Variants in PRDM7 observed in about 807,000 individuals in gnomAD.
PRDM7 encodes the protein histone-lysine N-methyltransferase PRDM7.
In PRDM7, 52 loss-of-function variants were observed where a neutral mutation model predicts 64.3. The observed-to-expected ratio is 0.81, with a 90% CI of 0.65 to 1.02. The LOEUF is 1.02. Among genes scored for constraint, PRDM7 ranks in the 50% least tolerant of loss-of-function variants. The pLI is 0.00. For synonymous variants in PRDM7, 192 were observed against 210.1 expected, an observed-to-expected ratio of 0.91 and a Z score of 0.74; for missense variants, 574 against 597.1, an observed-to-expected ratio of 0.96 and a Z score of 0.40.
Position 90,066,893 on chromosome 16 carries a change from C to A in PRDM7, c.319G>T (p.Ala107Ser). Reference sequence around the variant, plus strand: ...TGTTTACTCTGTTCTCCTCTGAAGGCCATCCAAGGAGGTTTGACTAAGAGG... The same window carrying A: ...TGTTTACTCTGTTCTCCTCTGAAGGACATCCAAGGAGGTTTGACTAAGAGG... ...PRQQVKPPWM[A>S]FRGEQSKHQK... Residue 107 changes from alanine to serine, a missense_variant, in exon 5 of 11, where the codon GCC becomes TCC. Transcript: ENST00000449207. 6.3e-7 allele frequency: 1 copy of A among 1,599,532 alleles called. No individual in the cohort carries two copies. The highest frequency in any genetic ancestry group is 8.6e-7 in the Non-Finnish European group (1 of 1,169,236).
Position 90,062,545 on chromosome 16 carries a change from G to T in PRDM7, c.509-43C>A, listed in dbSNP as rs749081099. The T allele has an allele frequency of 2.0e-6, 3 of 1,495,146 alleles. No homozygotes were observed. In the East Asian group the frequency reaches 6.8e-5, roughly 34 times the overall value. The allele number at this position is 1,495,146 out of a possible 1,614,324, so 92.6% of individuals were successfully genotyped here. A position where few individuals can be genotyped will look rare whatever the true frequency, so the allele number is the denominator to read the frequency against. On this transcript the variant is annotated intron_variant, in intron 6 of 10. Coordinates refer to ENST00000449207, the MANE Select transcript of PRDM7 (RefSeq NM_001098173.2). The stretch of plus-strand genomic sequence containing the variant: ...AGATGGGTAAAATTGGGAGTCTGGG[G>T]TGTTTGTCCTTGTTTCATAAGAAAA...
rs1034543498 is a variant in PRDM7 at position 90,075,532 on chromosome 16, T to C, written c.70-58A>G. The C allele has an allele frequency of 6.2e-7, 1 of 1,613,670 alleles. No homozygotes were observed. Among genetic ancestry groups the C allele is most frequent in the African/African-American group, 1.3e-5 (1 of 74,928 alleles). ...ACTAATACACATCGAGCTGGTCCTT[T>C]TCCTCTACCCTGCGTGTAGGGCATA... On this transcript the variant is annotated intron_variant, in intron 2 of 10. Transcript: ENST00000449207. This position sits in a 1 kb window ranked among gnomAD's most constrained non-coding sequence, Gnocchi z 4.3.
intron 1 of PRDM7, among the ~76,000 whole-genome samples, chr16:90,076,232 C>T (rs937462884): frequency 5.9e-5 from 9 of 152,074 alleles, no homozygotes; most frequent in Non-Finnish European, 1.3e-4. Flanking sequence ...CAGCTTGGCT[C>T]ATTTGGAGAA....
At position 90,075,596 on chromosome 16, in the gene PRDM7, C is replaced by T; in HGVS notation, c.70-122G>A. ...GGGAGTCTCTGTGAAACATAAAGAC[C>T]TTCCCTCCTTCTCCAGATTGTGTCC... On this transcript the variant is annotated intron_variant, in intron 2 of 10. Transcript: ENST00000449207. This position sits in a 1 kb window ranked among gnomAD's most constrained non-coding sequence, Gnocchi z 4.3. 6.6e-7 allele frequency: 1 copy of T among 1,506,082 alleles called. No individual in the cohort carries two copies. Among genetic ancestry groups the T allele is most frequent in the Admixed American group, 1.7e-5 (1 of 59,246 alleles). 93.3% of individuals were successfully genotyped at this position (1,506,082 alleles called of 1,614,324 possible).
At position 90,062,432 on chromosome 16, in the gene PRDM7, C is replaced by G. The variant is rs1170979377; in HGVS notation, c.579G>C (p.Glu193Asp). ...LRERKGHAYK[E>D]ISEPQDDDYL... ...AGTCATCATCCTGTGGCTCGCTGAT[C>G]TCTTTGTATGCATGACCCTTTCTTT... Residue 193 changes from glutamate (E) to aspartate (D), a missense_variant, in exon 7 of 11, where the codon GAG becomes GAC. Glu to Asp is a conservative substitution (Grantham distance 45). Coordinates refer to ENST00000449207, the MANE Select transcript of PRDM7 (RefSeq NM_001098173.2). 2.5e-6 allele frequency: 4 copies of G among 1,614,016 alleles called. No individual in the cohort carries two copies. Among genetic ancestry groups the G allele is most frequent in the Admixed American group, 3.3e-5 (2 of 59,998 alleles).
In PRDM7 at chr16:90,062,484, G is replaced by A. The variant is rs1205797152; in HGVS notation, c.527C>T (p.Thr176Ile). The A allele has an allele frequency of 1.2e-6, 2 of 1,613,886 alleles. No homozygotes were observed. The highest frequency in any genetic ancestry group is 1.1e-5 in the South Asian group (1 of 91,084). The change falls in exon 7 of 11, where the codon ACT (threonine) becomes ATT (isoleucine). Residue 176 changes from threonine to isoleucine, a missense_variant. Physicochemically the swap from Thr to Ile is moderately conservative, Grantham distance 89. Coordinates refer to ENST00000449207, the MANE Select transcript of PRDM7 (RefSeq NM_001098173.2). ...TCGCAGGCTATACATCTTTCCTTCA[G>A]TCTCCTTCCTCCTGAGTTCTAGGTT... ...RLKLELRRKE[T>I]EGKMYSLRER...
chr16:90,064,678 T>G (rs982456057), intron 5 of PRDM7, among the ~76,000 whole-genome samples: 1 of 144,196 alleles, frequency 6.9e-6, no homozygotes, highest in Non-Finnish European at 1.5e-5. Flanking sequence ...CCTCCCAAAG[T>G]GCTGGGATTA....
intron 1 of PRDM7, among the ~76,000 whole-genome samples, 186 bp from the exon 2 acceptor site, chr16:90,076,181 C>T (rs2151315217): frequency 6.6e-6 from 1 of 152,292 alleles, no homozygotes; most frequent in South Asian, 2.1e-4. Context: ...CCATGAGCTG[C>T]CACCTAATGT....
At chr16:90,062,351 G>A (rs1481944410) in intron 7 of PRDM7, 50 bp downstream of exon 7, 6 of 1,613,784 alleles carry the variant, frequency 3.7e-6, no homozygotes, top group Admixed American at 1.7e-5. Context: ...TGAAATTATT[G>A]TACCAGGACA....
intron 4 of PRDM7, among the ~76,000 whole-genome samples, chr16:90,073,556 T>C (rs1247436309): frequency 2.6e-5 from 4 of 152,178 alleles, no homozygotes; most frequent in Admixed American, 2.0e-4. Flanking sequence ...CCCGCCACCG[T>C]GCCTGGCTAA....
intron 5 of PRDM7, among the ~76,000 whole-genome samples, chr16:90,064,696 G>C (rs2037842570): frequency 1.3e-5 from 2 of 149,830 alleles, no homozygotes. Context: ...TTATATGTAA[G>C]AGCCCCCGCA....
intron 4 of PRDM7, among the ~76,000 whole-genome samples, chr16:90,071,089 T>TTTTCTGCTG (rs1171252057): frequency 6.6e-6 from 1 of 152,208 alleles, no homozygotes; most frequent in African/African-American, 2.4e-5. Flanking sequence ...GCTTAGTCTG[T>TTTTCTGCTG]TTTCTGCTGC....
chr16:90,076,865 C>G (rs553377960), intron 1 of PRDM7, among the ~76,000 whole-genome samples: 1 of 151,736 alleles, frequency 6.6e-6, no homozygotes, highest in African/African-American at 2.4e-5. Context: ...TTGAAGCTGA[C>G]GGGGTTGAGT....
At position 90,065,926 on chromosome 16, in the gene PRDM7, G is replaced by A. The variant is rs568949981; in HGVS notation, c.351+935C>T. ...GAGGCTCTCAGAGGCCCTGAGCTGG[G>A]CTTGGGAGTTCTAAGAAGAATCAGG... On this transcript the variant is annotated intron_variant, in intron 5 of 10. Coordinates refer to ENST00000449207, the MANE Select transcript of PRDM7 (RefSeq NM_001098173.2). Among the ~76,000 whole-genome samples the A allele has an allele frequency of 6.5e-4, 99 of 151,170 alleles. 5 individuals carry two copies. Among genetic ancestry groups the A allele is most frequent in the African/African-American group, 2.2e-3 (91 of 40,622 alleles).
chr16:90,063,836 G>A, intron 5 of PRDM7, 68 bp from the exon 6 acceptor site: 1 of 1,553,502 alleles, frequency 6.4e-7, no homozygotes, highest in African/African-American at 1.4e-5. Flanking sequence ...CTTGCAACAT[G>A]TTTTCATATG....
In PRDM7 at chr16:90,060,556, A is replaced by G; in HGVS notation, c.1018T>C (p.Phe340Leu). ...LVAFQYHRQI[F>L]YRTCRVIRPG... ...CTAATGACTCGGCAGGTTCTATAGA[A>G]GATCTGCCTGTGGTACTGGAAGGCC... The change falls in exon 10 of 11, where the codon TTC becomes CTC. Residue 340 changes from phenylalanine (F) to leucine (L), a missense_variant. Physicochemically the swap from Phe to Leu is conservative, Grantham distance 22. Coordinates refer to ENST00000449207, the MANE Select transcript of PRDM7 (RefSeq NM_001098173.2). 2 of 1,614,108 alleles carry G rather than the reference A, an allele frequency of 1.2e-6. No individual in the cohort carries two copies. The highest frequency in any genetic ancestry group is 1.1e-5 in the South Asian group (1 of 91,078).
intron 5 of PRDM7, among the ~76,000 whole-genome samples, chr16:90,064,633 A>G (rs2151308253): frequency 7.0e-6 from 1 of 143,274 alleles, no homozygotes; most frequent in Non-Finnish European, 1.5e-5. Context: ...AGGCTGGTCT[A>G]GAACTCCTCA....
chr16:90,073,473 C>T (rs1450176028), intron 4 of PRDM7, among the ~76,000 whole-genome samples: 1 of 151,040 alleles, frequency 6.6e-6, no homozygotes, highest in African/African-American at 2.4e-5. Context: ...TATCTCAGCT[C>T]ACTGCAAGCT....
intron 5 of PRDM7, among the ~76,000 whole-genome samples, chr16:90,064,843 C>G (rs915315956): frequency 2.7e-5 from 4 of 150,574 alleles, no homozygotes; most frequent in Non-Finnish European, 4.4e-5. Context: ...TTCAGCCTCC[C>G]GAGTAGTTGG....
Sources: gnomAD v4.1 joint callset for allele counts (sites outside exome capture counted in the v4.1 genomes callset) on GRCh38, gnomAD v4.1.1 for gene constraint, Gnocchi (gnomAD v3.1) non-coding constraint, MANE v1.5 for transcripts, NCBI Gene and HGNC (gene_info 2026-07-23, HGNC 2026-07-21) for gene names.